Variants in LRRC40 observed in about 807,000 individuals in gnomAD.
LRRC40 encodes the protein leucine rich repeat containing 40.
Under a neutral mutation model 72.8 loss-of-function variants are expected in LRRC40, and 76 were observed. The observed-to-expected ratio is 1.04, with a 90% CI of 0.87 to 1.26. The LOEUF is 1.26. Ranked by LOEUF, LRRC40 falls within the 50% of genes most tolerant of loss-of-function variation. The pLI, the probability that LRRC40 is intolerant of heterozygous loss-of-function variation, is 0.00. For synonymous variants in LRRC40, 243 were observed against 254.2 expected, an observed-to-expected ratio of 0.96 and a Z score of 0.42; for missense variants, 684 against 698.9, an observed-to-expected ratio of 0.98 and a Z score of 0.24.
In LRRC40 at chr1:70,176,882, C is replaced by A. The variant is rs184048396; in HGVS notation, c.805-900G>T. Among the ~76,000 whole-genome samples, 588 of 152,158 alleles carry A rather than the reference C, an allele frequency of 3.9e-3. 5 individuals are homozygous for A. Among genetic ancestry groups the A allele is most frequent in the South Asian group, 0.03 (147 of 4,826 alleles). On this transcript the variant is annotated intron_variant, in intron 6 of 14. Transcript: ENST00000370952. ...TAGATACTAGTTTATCACTGACTACCACAAAATATATACAAATCTATTATA... is the reference window on the plus strand; with the variant it reads ...TAGATACTAGTTTATCACTGACTACAACAAAATATATACAAATCTATTATA...
chr1:70,189,148 T>TA lies in LRRC40; in HGVS notation c.276dup (p.Lys93Ter), dbSNP rs775931789. The TA allele has an allele frequency of 6.2e-7, 1 of 1,613,880 alleles. No individual in the cohort carries two copies. The highest frequency in any genetic ancestry group is 2.2e-5 in the East Asian group (1 of 44,876). ...AGGTCATCTGTAAGTGACTGAAGTT[T>TA]ATTGTTTGATATTATTAGTTTGGTC... On this transcript the variant is annotated frameshift_variant, in exon 2 of 15. Coordinates refer to ENST00000370952, the MANE Select transcript of LRRC40 (RefSeq NM_017768.5). LOFTEE classifies it high-confidence loss of function.
chr1:70,146,213 G>A (rs938486754), intron 14 of LRRC40, among the ~76,000 whole-genome samples: 4 of 151,890 alleles, frequency 2.6e-5, no homozygotes, highest in Non-Finnish European at 4.4e-5. Flanking sequence ...TCAGTAGTGA[G>A]GGGGTTTTGC....
At position 70,159,283 on chromosome 1, in the gene LRRC40, G is replaced by A. The variant is rs764550068; in HGVS notation, c.1220+47C>T. The A allele has an allele frequency of 1.2e-5, 11 of 881,876 alleles. No individual in the cohort carries two copies. The South Asian group carries it at 2.1e-4, about 17-fold the overall frequency. 54.6% of individuals were successfully genotyped at this position (881,876 alleles called of 1,614,324 possible). ...GCTCAAGACCAGCCTGGGCAACACA[G>A]TAAGACCCTATCTCTATAAAAATAA... On this transcript the variant is annotated intron_variant, in intron 10 of 14. Transcript: ENST00000370952.
intron 1 of LRRC40, among the ~76,000 whole-genome samples, chr1:70,197,245 G>C (rs887544729): frequency 6.6e-6 from 1 of 151,662 alleles, no homozygotes; most frequent in African/African-American, 2.4e-5. Context: ...TAGATACTGG[G>C]GGGCGGCGGG....
At chr1:70,165,487 A>ATGCT (rs1314965326) in intron 9 of LRRC40, among the ~76,000 whole-genome samples, 1 of 152,212 alleles carries the variant, frequency 6.6e-6, no homozygotes, top group Non-Finnish European at 1.5e-5. Flanking sequence ...ACATAACTTC[A>ATGCT]TGCTTCTGGA....
chr1:70,203,019 T>C (rs1225131163), intron 1 of LRRC40, among the ~76,000 whole-genome samples: 4 of 152,150 alleles, frequency 2.6e-5, no homozygotes, highest in Admixed American at 6.5e-5. Flanking sequence ...GCCTTCCAAG[T>C]AGCTAGGACT....
chr1:70,195,053 C>A (rs1353615242), intron 1 of LRRC40, among the ~76,000 whole-genome samples: 1 of 151,950 alleles, frequency 6.6e-6, no homozygotes, highest in African/African-American at 2.4e-5. Flanking sequence ...GTGACACACT[C>A]AAAAATTAAC....
chr1:70,153,923 C>T (rs1667572776), intron 11 of LRRC40, among the ~76,000 whole-genome samples: 1 of 139,644 alleles, frequency 7.2e-6, no homozygotes, highest in African/African-American at 2.7e-5. Context: ...CACTGAGCCG[C>T]GATTGTGCCA....
At chr1:70,195,154 C>CA in intron 1 of LRRC40, among the ~76,000 whole-genome samples, 1 of 151,582 alleles carries the variant, frequency 6.6e-6, no homozygotes, top group Middle Eastern at 3.4e-3. Flanking sequence ...TTCAGATGGG[C>CA]AAAAAATGTC....
In LRRC40 at chr1:70,145,904, T is replaced by C; in HGVS notation, c.1705A>G (p.Thr569Ala). ...PELGNCVNLR[T>A]LLLDGNPFRV... ...AATGGATTTCCATCCAGTAGTAATG[T>C]TCTAAACAAAAGAGAGAAATTGAGA... The change falls in exon 15 of 15, where the codon ACA (threonine) becomes GCA (alanine). Residue 569 changes from threonine (T) to alanine (A), a missense_variant and splice_region_variant. Thr to Ala is a moderately conservative substitution (Grantham distance 58). Transcript: ENST00000370952. The C allele has an allele frequency of 1.3e-6, 2 of 1,524,218 alleles. No homozygotes were observed. Among genetic ancestry groups the C allele is most frequent in the Non-Finnish European group, 1.8e-6 (2 of 1,104,420 alleles). 94.4% of individuals were successfully genotyped at this position (1,524,218 alleles called of 1,614,324 possible). A position where few individuals can be genotyped will look rare whatever the true frequency, so the allele number is the denominator to read the frequency against.
chr1:70,162,656 AT>A (rs1221613813), intron 9 of LRRC40, among the ~76,000 whole-genome samples: 1 of 152,152 alleles, frequency 6.6e-6, no homozygotes, highest in Non-Finnish European at 1.5e-5. Context: ...AAATGTATTC[AT>A]TTATCCCCCA....
At chr1:70,160,769 ATTTCC>A (rs1667739667) in intron 9 of LRRC40, among the ~76,000 whole-genome samples, 1 of 152,058 alleles carries the variant, frequency 6.6e-6, no homozygotes, top group Non-Finnish European at 1.5e-5. Context: ...TGCGAGAGAG[ATTTCC>A]TTTCATTATA....
rs1264885633 is a variant in LRRC40 at position 70,187,342 on chromosome 1, A to G, written c.334-4T>C. ...ATGTCAACTGATTATCATGTATCTA[A>G]AAGTTTTTAAAAGACAAAGTCAATA... On this transcript the variant is annotated splice_region_variant and splice_polypyrimidine_tract_variant and intron_variant, in intron 2 of 14. Transcript: ENST00000370952. 5 of 1,412,852 alleles carry G rather than the reference A, an allele frequency of 3.5e-6. No individual in the cohort carries two copies. The highest frequency in any genetic ancestry group is 4.0e-6 in the Non-Finnish European group (4 of 1,006,532). The allele number at this position is 1,412,852 out of a possible 1,614,324, so 87.5% of individuals were successfully genotyped here.
intron 6 of LRRC40, among the ~76,000 whole-genome samples, chr1:70,177,612 CA>C (rs1668137698): frequency 6.6e-6 from 1 of 152,126 alleles, no homozygotes; most frequent in Non-Finnish European, 1.5e-5. Flanking sequence ...AAAGTTCTCC[CA>C]AGAAGCAGAG....
intron 7 of LRRC40, among the ~76,000 whole-genome samples, chr1:70,175,504 G>A (rs868777636): frequency 3.3e-5 from 5 of 151,990 alleles, no homozygotes; most frequent in South Asian, 2.1e-4. Context: ...TCATTCCAGC[G>A]TTCTTAGAAT....
At chr1:70,172,853 G>A (rs1205413899) in intron 9 of LRRC40, among the ~76,000 whole-genome samples, 2 of 151,890 alleles carry the variant, frequency 1.3e-5, no homozygotes, top group Non-Finnish European at 2.9e-5. Flanking sequence ...TTATGTTTTG[G>A]AGTGGTTTGT....
chr1:70,175,401 C>A (rs1429423280), intron 7 of LRRC40, among the ~76,000 whole-genome samples: 1 of 152,120 alleles, frequency 6.6e-6, no homozygotes, highest in Non-Finnish European at 1.5e-5. Flanking sequence ...ATTAGCGTCC[C>A]AGAATCAGTA....
chr1:70,150,819 T>C (rs1387027527), intron 13 of LRRC40, among the ~76,000 whole-genome samples: 1 of 152,158 alleles, frequency 6.6e-6, no homozygotes, highest in African/African-American at 2.4e-5. Flanking sequence ...TCCTCTACCT[T>C]AAAGTAATCT....
At chr1:70,169,929 GC>G (rs1667965393) in intron 9 of LRRC40, among the ~76,000 whole-genome samples, 1 of 152,016 alleles carries the variant, frequency 6.6e-6, no homozygotes, top group Non-Finnish European at 1.5e-5. Flanking sequence ...ATTTTATGAT[GC>G]CATTATTAGG....
Sources: gnomAD v4.1 joint callset for allele counts (sites outside exome capture counted in the v4.1 genomes callset) on GRCh38, gnomAD v4.1.1 for gene constraint, MANE v1.5 for transcripts, NCBI Gene and HGNC (gene_info 2026-07-23, HGNC 2026-07-21) for gene names.